ARNT2: variants seen among roughly 807,000 people sequenced by gnomAD.
ARNT2 encodes aryl hydrocarbon receptor nuclear translocator 2.
ARNT2 carries 36 observed loss-of-function variants against 91.7 expected under a neutral mutation model. The ratio of observed to expected loss-of-function variants is 0.39; its 90% CI spans 0.30 to 0.52. ARNT2 has a LOEUF of 0.52. Among genes scored for constraint, ARNT2 ranks in the 20% least tolerant of loss-of-function variants. The probability of loss-of-function intolerance (pLI) is 0.72; values close to 1 mark genes in which losing one functional copy is unlikely to be tolerated. For synonymous variants in ARNT2, 365 were observed against 347.1 expected (o/e 1.05, Z -0.57); for missense variants, 775 against 939.3 (o/e 0.83, Z 2.29).
At chr15:80,410,316 G>T (rs567246803) in intron 1 of ARNT2, among the ~76,000 whole-genome samples, 6 of 152,322 alleles carry the variant, frequency 3.9e-5, no homozygotes, top group South Asian at 2.1e-4. Flanking sequence ...TGACTTCATT[G>T]TAAGGAGTTA....
At chr15:80,474,367 C>T (rs942268195) in intron 4 of ARNT2, among the ~76,000 whole-genome samples, 2 of 152,176 alleles carry the variant, frequency 1.3e-5, no homozygotes, top group African/African-American at 4.8e-5. Flanking sequence ...TCCCTGCTGC[C>T]TCCCAGAGTT....
At chr15:80,533,442 G>C (rs1408973157) in intron 8 of ARNT2, among the ~76,000 whole-genome samples, 2 of 152,092 alleles carry the variant, frequency 1.3e-5, no homozygotes, top group African/African-American at 4.8e-5. Context: ...AGCCAGCCTG[G>C]GGTGCCCCAG....
chr15:80,447,991 C>T (rs1251439874), intron 1 of ARNT2, among the ~76,000 whole-genome samples: 1 of 152,158 alleles, frequency 6.6e-6, no homozygotes, highest in African/African-American at 2.4e-5. Context: ...ACCAGCAGCT[C>T]ATTCCAGTTA....
rs537848098 is a variant in ARNT2, at chr15:80,504,693, C to T, written c.623-3463C>T. Among the ~76,000 whole-genome samples the T allele has an allele frequency of 3.3e-5, 5 of 151,800 alleles. No homozygotes were observed. The South Asian group carries it at 1.0e-3, about 32-fold the overall frequency. The stretch of plus-strand genomic sequence containing the variant: ...TGAGGTGGGAGGATTGCTTGAGCCT[C>T]AGAGGTCAAGGCTGCAGTGAGCTAA... On this transcript the variant is annotated intron_variant, in intron 5 of 18. Transcript: ENST00000303329.
intron 8 of ARNT2, among the ~76,000 whole-genome samples, chr15:80,546,022 G>A (rs556608644): frequency 1.1e-4 from 17 of 152,324 alleles, no homozygotes; most frequent in Middle Eastern, 3.4e-3. Flanking sequence ...CTGCTGGTCA[G>A]TCTAATTAAG....
intron 5 of ARNT2, among the ~76,000 whole-genome samples, chr15:80,495,590 G>A (rs34614993): frequency 6.6e-6 from 1 of 152,234 alleles, no homozygotes; most frequent in African/African-American, 2.4e-5. Flanking sequence ...AAGGGCTGGA[G>A]GGTTTGTCAG....
At chr15:80,512,029 G>A (rs147703207) in intron 6 of ARNT2, among the ~76,000 whole-genome samples, 253 of 152,272 alleles carry the variant, frequency 1.7e-3, no homozygotes, top group South Asian at 0.013. Context: ...ACCTAATTGC[G>A]TGCCACAGGA....
chr15:80,534,322 T>A (rs1360774622), intron 8 of ARNT2, among the ~76,000 whole-genome samples: 1 of 152,246 alleles, frequency 6.6e-6, no homozygotes, highest in Non-Finnish European at 1.5e-5. Context: ...ACCTTCTTTT[T>A]TTTTTGTCTT....
chr15:80,432,214 CTG>C (rs1031819107), intron 1 of ARNT2, among the ~76,000 whole-genome samples: 15 of 152,216 alleles, frequency 9.9e-5, no homozygotes, highest in African/African-American at 3.4e-4. Context: ...ACCTGCGTCT[CTG>C]GGGCACGGGG....
At chr15:80,423,429 A>T (rs975193637) in intron 1 of ARNT2, among the ~76,000 whole-genome samples, 2 of 152,206 alleles carry the variant, frequency 1.3e-5, no homozygotes, top group Non-Finnish European at 2.9e-5. Flanking sequence ...CTATGTGATT[A>T]TGAGTCACAT....
intron 8 of ARNT2, among the ~76,000 whole-genome samples, chr15:80,543,008 G>A (rs1897935234): frequency 6.8e-6 from 1 of 147,844 alleles, no homozygotes; most frequent in Admixed American, 7.0e-5. Flanking sequence ...GACATGGAAG[G>A]ATGGCTTGAG....
At position 80,504,136 on chromosome 15, in the gene ARNT2, G is replaced by A. The variant is rs144100701; in HGVS notation, c.623-4020G>A. 5.8e-3 allele frequency among the ~76,000 whole-genome samples: 883 copies of A among 152,346 alleles called. 7 individuals are homozygous for A. Among genetic ancestry groups the A allele is most frequent in the African/African-American group, 0.02 (831 of 41,576 alleles). Reference sequence around the variant, plus strand: ...AGTGGGACGCAGGCTTGGGGAGGGTGACTTCTTCAAGGCCCTTTTGATTTC... The same window carrying A: ...AGTGGGACGCAGGCTTGGGGAGGGTAACTTCTTCAAGGCCCTTTTGATTTC... On this transcript the variant is annotated intron_variant, in intron 5 of 18. Transcript: ENST00000303329.
At chr15:80,564,156 C>G (rs1293168795) in intron 12 of ARNT2, among the ~76,000 whole-genome samples, 1 of 152,204 alleles carries the variant, frequency 6.6e-6, no homozygotes, top group South Asian at 2.1e-4. Context: ...CATGTCTCAC[C>G]ATCGTAGTCA....
intron 8 of ARNT2, among the ~76,000 whole-genome samples, chr15:80,529,760 G>A (rs144998986): frequency 6.6e-6 from 1 of 152,076 alleles, no homozygotes. Context: ...TCTCAAATCT[G>A]CTTTCCCTGC....
At chr15:80,498,345 G>A (rs1897147344) in intron 5 of ARNT2, among the ~76,000 whole-genome samples, 1 of 152,172 alleles carries the variant, frequency 6.6e-6, no homozygotes, top group Non-Finnish European at 1.5e-5. Context: ...AAATGTAACT[G>A]TTTCTCAACC....
chr15:80,590,869 G>A (rs914257260), intron 17 of ARNT2, among the ~76,000 whole-genome samples: 1 of 152,198 alleles, frequency 6.6e-6, no homozygotes, highest in African/African-American at 2.4e-5. Context: ...GATTCCCACA[G>A]AGGAACCTTA....
chr15:80,473,044 T>A (rs1432953350), intron 4 of ARNT2, among the ~76,000 whole-genome samples: 1 of 152,132 alleles, frequency 6.6e-6, no homozygotes, highest in Non-Finnish European at 1.5e-5. Context: ...ATGGTTACAT[T>A]TATGGAGCAC....
chr15:80,506,120 T>C (rs1387343650), intron 5 of ARNT2, among the ~76,000 whole-genome samples: 1 of 151,944 alleles, frequency 6.6e-6, no homozygotes, highest in East Asian at 1.9e-4. Context: ...GTATTTTTAG[T>C]AGAGACGGGG....
intron 5 of ARNT2, among the ~76,000 whole-genome samples, chr15:80,480,062 C>T (rs1449367740): frequency 6.6e-6 from 1 of 152,088 alleles, no homozygotes; most frequent in Non-Finnish European, 1.5e-5. Context: ...GTGCCTTTTC[C>T]TCTCACCAGG....
Sources: allele counts gnomAD v4.1 joint callset (sites outside exome capture counted in the v4.1 genomes callset), GRCh38; gene constraint gnomAD v4.1.1; transcripts MANE v1.5; gene names NCBI Gene and HGNC (gene_info 2026-07-23, HGNC 2026-07-21).